The following NCOA2 variants were observed in gnomAD, a reference collection of about 807,000 sequenced individuals.
NCOA2 encodes the protein class E basic helix-loop-helix protein 75.
Under a neutral mutation model 145.1 loss-of-function variants are expected in NCOA2, and 21 were observed. The ratio of observed to expected loss-of-function variants is 0.14; its 90% CI spans 0.10 to 0.21. The LOEUF (loss-of-function observed/expected upper bound fraction) is 0.21. NCOA2 is among the 10% of genes least tolerant of loss of function. NCOA2 has a pLI of 1.00. For synonymous variants in NCOA2, 619 were observed against 637.5 expected, an observed-to-expected ratio of 0.97 and a Z score of 0.44; for missense variants, 1,472 against 1,837.6, an observed-to-expected ratio of 0.80 and a Z score of 3.64.
At chr8:70,442,106 G>GAGAAAGAAAGAA in the NCOA2 span, among the ~76,000 whole-genome samples, 1 of 65,666 alleles carries the variant, frequency 1.5e-5, no homozygotes, top group Non-Finnish European at 3.1e-5. Flanking sequence ...AGAAGAAACA[G>GAGAAAGAAAGAA]AGAAAGAAAG....
intron 2 of NCOA2, among the ~76,000 whole-genome samples, chr8:70,248,171 G>T (rs1200442003): frequency 6.6e-6 from 1 of 152,206 alleles, no homozygotes; most frequent in Non-Finnish European, 1.5e-5. Context: ...AGTCTGGTGA[G>T]AAGTAAAACA....
intron 1 of NCOA2, among the ~76,000 whole-genome samples, chr8:70,319,936 A>G (rs1805911061): frequency 6.6e-6 from 1 of 152,200 alleles, no homozygotes; most frequent in African/African-American, 2.4e-5. Context: ...TGCTTCTGTG[A>G]TATTTTTAAC....
intron 4 of NCOA2, among the ~76,000 whole-genome samples, chr8:70,208,676 A>C (rs780701519): frequency 6.6e-6 from 1 of 152,258 alleles, no homozygotes; most frequent in African/African-American, 2.4e-5. Context: ...TCATAAGAAT[A>C]ATGCTAAATC....
chr8:70,417,552 AAAACAAACAAACAAAC>A, the NCOA2 span, among the ~76,000 whole-genome samples: 14 of 151,236 alleles, frequency 9.3e-5, no homozygotes, highest in African/African-American at 3.2e-4. Flanking sequence ...TCTGTCTCAA[AAAACAAACAAACAAAC>A]AAACAAACAA....
At chr8:70,186,988 C>T (rs563434131) in intron 4 of NCOA2, among the ~76,000 whole-genome samples, 2 of 152,152 alleles carry the variant, frequency 1.3e-5, no homozygotes. Context: ...CCTTTAAATA[C>T]CTTACAGCAT....
rs1341865601 is a variant in NCOA2, at chr8:70,288,333, C to G, written c.-20+8411G>C. ...GTGGCTCATGCCTGTAATCTCAGCA[C>G]TTTGGGAGGCCAAGGTGGGCAGATC... On this transcript the variant is annotated intron_variant, in intron 2 of 22. Coordinates refer to ENST00000452400, the MANE Select transcript of NCOA2 (RefSeq NM_006540.4). Among the ~76,000 whole-genome samples the G allele has an allele frequency of 3.3e-5, 5 of 152,018 alleles. No individual in the cohort carries two copies. In the East Asian group the frequency reaches 9.6e-4, roughly 29 times the overall value.
intron 4 of NCOA2, among the ~76,000 whole-genome samples, chr8:70,182,050 A>G (rs1403181440): frequency 6.6e-6 from 1 of 152,264 alleles, no homozygotes; most frequent in Non-Finnish European, 1.5e-5. Flanking sequence ...TGAAGCCAGC[A>G]GCACATTCTT....
At chr8:70,305,271 A>G (rs1827804654) in intron 1 of NCOA2, among the ~76,000 whole-genome samples, 1 of 152,074 alleles carries the variant, frequency 6.6e-6, no homozygotes, top group African/African-American at 2.4e-5. Context: ...ACAGCCTCAG[A>G]GGAACCAGCA....
chr8:70,403,872 C>G (rs1412281888), upstream of NCOA2: 6 of 387,482 alleles, frequency 1.5e-5, no homozygotes, highest in Non-Finnish European at 2.3e-5. Flanking sequence ...TCCTCCTCCT[C>G]CTCCTCCGCG....
the NCOA2 span, among the ~76,000 whole-genome samples, chr8:70,444,766 A>T: frequency 6.6e-6 from 1 of 152,228 alleles, no homozygotes; most frequent in Non-Finnish European, 1.5e-5. Flanking sequence ...CAAAATATAG[A>T]ATGCAGATCT....
intron 1 of NCOA2, among the ~76,000 whole-genome samples, chr8:70,368,588 A>G (rs1810922532): frequency 6.6e-6 from 1 of 152,184 alleles, no homozygotes; most frequent in Non-Finnish European, 1.5e-5. Context: ...TCTTCACTTT[A>G]TTTTTCTTAT....
intron 19 of NCOA2, among the ~76,000 whole-genome samples, chr8:70,125,712 T>C (rs1348084478): frequency 1.3e-5 from 2 of 152,232 alleles, no homozygotes; most frequent in Non-Finnish European, 1.5e-5. Flanking sequence ...TAGCTTGTTT[T>C]GTCTTTATAA....
chr8:70,224,761 A>ATATT (rs912964704), intron 2 of NCOA2, among the ~76,000 whole-genome samples: 6 of 149,714 alleles, frequency 4.0e-5, no homozygotes, highest in Non-Finnish European at 8.8e-5. Flanking sequence ...TACGTTACAT[A>ATATT]TATTTAATTA....
At chr8:70,180,870 C>G (rs921304095) in intron 4 of NCOA2, among the ~76,000 whole-genome samples, 4 of 152,158 alleles carry the variant, frequency 2.6e-5, no homozygotes, top group African/African-American at 9.7e-5. Flanking sequence ...CCATGCTCAG[C>G]TCCATGCATA....
chr8:70,438,728 G>A, the NCOA2 span, among the ~76,000 whole-genome samples: 8 of 152,286 alleles, frequency 5.3e-5, no homozygotes, highest in South Asian at 1.2e-3. Context: ...CTTGATCTGG[G>A]AATAAATAAC....
rs533534172 is a variant in NCOA2, at chr8:70,327,282, C to T, written c.-76-30482G>A. Among the ~76,000 whole-genome samples, 13 of 152,214 alleles carry T rather than the reference C, an allele frequency of 8.5e-5. No homozygotes were observed. The South Asian group carries it at 2.7e-3, about 32-fold the overall frequency. Reference sequence around the variant, plus strand: ...TCTGAAACAAATTAAGTAAAGTGTGCCTGGTAACAACATACTCAACAGAAA... The same window carrying T: ...TCTGAAACAAATTAAGTAAAGTGTGTCTGGTAACAACATACTCAACAGAAA... On this transcript the variant is annotated intron_variant, in intron 1 of 22. Coordinates refer to ENST00000452400, the MANE Select transcript of NCOA2 (RefSeq NM_006540.4).
chr8:70,284,028 T>A (rs530260332), intron 2 of NCOA2, among the ~76,000 whole-genome samples: 17 of 152,124 alleles, frequency 1.1e-4, no homozygotes, highest in Non-Finnish European at 4.4e-5. Context: ...AACATTCCCC[T>A]CCATGTTAGA....
chr8:70,450,573 C>CTTTTTTTTTTTTTTTTTTTTTTTT, the NCOA2 span, among the ~76,000 whole-genome samples: 7 of 94,652 alleles, frequency 7.4e-5, 1 homozygote, highest in African/African-American at 1.3e-4. Flanking sequence ...TCTTTTTATT[C>CTTTTTTTTTTTTTTTTTTTTTTTT]TTTTTTTTTT....
At position 70,143,169 on chromosome 8, in the gene NCOA2, C is replaced by T. The variant is rs553142616; in HGVS notation, c.2812+1473G>A. Reference sequence around the variant, plus strand: ...TTCACCATGTTGGTCGGGATGGTCTCGAACTCCTGACCTTGTCATCCACCC... The same window carrying T: ...TTCACCATGTTGGTCGGGATGGTCTTGAACTCCTGACCTTGTCATCCACCC... On this transcript the variant is annotated intron_variant, in intron 13 of 22. Coordinates refer to ENST00000452400, the MANE Select transcript of NCOA2 (RefSeq NM_006540.4). Among the ~76,000 whole-genome samples the T allele has an allele frequency of 8.5e-4, 129 of 152,150 alleles. 1 individual carries two copies. The highest frequency in any genetic ancestry group is 3.0e-3 in the African/African-American group (125 of 41,516).
Sources: gnomAD v4.1 joint callset for allele counts (sites outside exome capture counted in the v4.1 genomes callset) on GRCh38, gnomAD v4.1.1 for gene constraint, MANE v1.5 for transcripts, NCBI Gene and HGNC (gene_info 2026-07-23, HGNC 2026-07-21) for gene names.